The following LINC00632 variants were observed in gnomAD, a reference collection of about 807,000 sequenced individuals.
LINC00632 encodes the protein long independently transcribed non-coding RNA 632, also known as ALDOA related specific transcript.
intron 3 of LINC00632, among the ~76,000 whole-genome samples, chrX:140,734,291 TATC>T (rs906411731): frequency 6.3e-5 from 7 of 111,857 alleles, no homozygotes; most frequent in African/African-American, 2.3e-4. Flanking sequence ...TGAAATTTCT[TATC>T]ATAAATTTAA....
chrX:140,751,305 T>A (rs1454864857), intron 3 of LINC00632, among the ~76,000 whole-genome samples: 1 of 107,015 alleles, frequency 9.3e-6, no homozygotes, highest in African/African-American at 3.4e-5. Flanking sequence ...TTTTTTTTAA[T>A]TATGGCCATT....
intron 3 of LINC00632, among the ~76,000 whole-genome samples, chrX:140,755,718 C>T (rs994921718): frequency 4.5e-5 from 5 of 111,407 alleles, no homozygotes; most frequent in Non-Finnish European, 7.5e-5. Flanking sequence ...TTGTCAAAGC[C>T]TAATTAGTTT....
rs1020534707 is a variant in LINC00632 at position 140,764,238 on chromosome X, C to T, written n.192-7840C>T. Among the ~76,000 whole-genome samples the T allele has an allele frequency of 2.7e-5, 3 of 109,367 alleles. No homozygotes were observed. The East Asian group carries it at 8.7e-4, about 32-fold the overall frequency. 95.0% of individuals were successfully genotyped at this position (109,367 alleles called of 115,157 possible). ...TTTTCCAGTTTTAAGATTTGACGCC[C>T]TTATGATCGAATCCATCCACGACTT... On this transcript the variant is annotated intron_variant and non_coding_transcript_variant, in intron 3 of 4. Transcript: ENST00000648200.
intron 3 of LINC00632, chrX:140,771,986 T>C (rs1277629810): frequency 1.3e-5 from 3 of 228,582 alleles, no homozygotes; most frequent in Non-Finnish European, 2.3e-5. Flanking sequence ...GGCCCTGGCA[T>C]ATATTTTTAT....
chrX:140,783,017 C>T (rs1931956763), exon 5 of LINC00632: 1 of 113,704 alleles, frequency 8.8e-6, no homozygotes, highest in Non-Finnish European at 1.8e-5. Flanking sequence ...TACAATATCT[C>T]TAATTTCCAG....
intron 3 of LINC00632, among the ~76,000 whole-genome samples, chrX:140,744,538 C>T (rs1236345070): frequency 1.2e-5 from 1 of 84,437 alleles, no homozygotes; most frequent in African/African-American, 5.2e-5. Context: ...AGGTCAAGCC[C>T]AGCTCTAGTT....
In LINC00632 at chrX:140,790,803, TATC is replaced by T. The variant is rs1932097341; in HGVS notation, n.18825_18827del. On this transcript the variant is annotated non_coding_transcript_exon_variant, in exon 5 of 5. Coordinates refer to ENST00000648200, the Ensembl canonical transcript of LINC00632. ...ATGATATTGCATTTTAAAAATTCATTATCATTAGTGCATAGAAAAGCTATTTAA... is the reference window on the plus strand; with the variant it reads ...ATGATATTGCATTTTAAAAATTCATTATTAGTGCATAGAAAAGCTATTTAA... Among the ~76,000 whole-genome samples, 3 of 111,966 alleles carry T rather than the reference TATC, an allele frequency of 2.7e-5. No homozygotes were observed. The South Asian group carries it at 1.1e-3, about 41-fold the overall frequency.
At chrX:140,738,119 C>CT (rs1030213133) in intron 3 of LINC00632, among the ~76,000 whole-genome samples, 10 of 111,338 alleles carry the variant, frequency 9.0e-5, no homozygotes, top group East Asian at 2.8e-4. Flanking sequence ...AGGAGATGCT[C>CT]TTTTTTTTCC....
intron 2 of LINC00632, among the ~76,000 whole-genome samples, chrX:140,729,338 T>C (rs1931019405): frequency 9.2e-6 from 1 of 109,081 alleles, no homozygotes; most frequent in Non-Finnish European, 1.9e-5. Flanking sequence ...CCATACTAGG[T>C]GCAGACAGAG....
rs752511884 is a variant in LINC00632 at position 140,734,126 on chromosome X, TTCTC to T, written n.191+166_191+169del. ...AAAGTCATAAAATAAAAAGAAATCT[TTCTC>T]TCTAACTTTTCCCCCTGCCGTCCCA... On this transcript the variant is annotated intron_variant and non_coding_transcript_variant, in intron 3 of 4. Transcript: ENST00000648200. Among the ~76,000 whole-genome samples the T allele has an allele frequency of 4.0e-3, 446 of 112,093 alleles. 2 individuals carry two copies. Among genetic ancestry groups the T allele is most frequent in the Non-Finnish European group, 6.6e-3 (350 of 53,261 alleles).
chrX:140,768,616 A>G lies in LINC00632; in HGVS notation n.192-3462A>G, dbSNP rs1366780479. ...TATTATATATAAATATATATTTATC[A>G]CATAATAAATATATATACTATATAA... On this transcript the variant is annotated intron_variant and non_coding_transcript_variant, in intron 3 of 4. Coordinates refer to ENST00000648200, the Ensembl canonical transcript of LINC00632. Among the ~76,000 whole-genome samples the G allele has an allele frequency of 1.5e-4, 13 of 84,636 alleles. No homozygotes were observed. In the East Asian group the frequency reaches 4.8e-3, roughly 31 times the overall value. 73.5% of individuals were successfully genotyped at this position (84,636 alleles called of 115,157 possible).
At chrX:140,754,650 G>A (rs1298346614) in intron 3 of LINC00632, among the ~76,000 whole-genome samples, 1 of 111,140 alleles carries the variant, frequency 9.0e-6, no homozygotes, top group Non-Finnish European at 1.9e-5. Flanking sequence ...GGAGCTCAAG[G>A]AGTGTGGCTA....
intron 2 of LINC00632, among the ~76,000 whole-genome samples, chrX:140,717,926 C>T (rs191815985): frequency 6.7e-4 from 74 of 110,495 alleles, no homozygotes; most frequent in African/African-American, 1.7e-3. Context: ...TAGCTGAGGT[C>T]GGGAGTTCGA....
intron 2 of LINC00632, among the ~76,000 whole-genome samples, chrX:140,717,441 T>C (rs1158091748): frequency 1.8e-5 from 2 of 110,633 alleles, no homozygotes; most frequent in African/African-American, 6.6e-5. Context: ...AGTCCTAACA[T>C]GCAGAGATCA....
chrX:140,720,958 AC>A (rs1267627950), intron 2 of LINC00632, among the ~76,000 whole-genome samples: 1 of 111,033 alleles, frequency 9.0e-6, no homozygotes, highest in Admixed American at 9.7e-5. Flanking sequence ...CCAGGGACTT[AC>A]CCTGAGACAC....
chrX:140,783,801 A>T, exon 5 of LINC00632: 1 of 1,209,222 alleles, frequency 8.3e-7, no homozygotes, highest in Non-Finnish European at 1.1e-6. Context: ...CTTCCAGAAA[A>T]TCCATGTCTT....
chrX:140,739,381 G>A (rs1333887939), intron 3 of LINC00632, among the ~76,000 whole-genome samples: 4 of 109,601 alleles, frequency 3.6e-5, no homozygotes, highest in African/African-American at 1.0e-4. Flanking sequence ...CACCACGCCC[G>A]GCTAATTTTT....
rs748611018 is a variant in LINC00632 at position 140,712,655 on chromosome X, C to T, written n.104+999C>T. Among the ~76,000 whole-genome samples the T allele has an allele frequency of 4.5e-5, 5 of 110,720 alleles. No individual in the cohort carries two copies. The South Asian group carries it at 1.9e-3, about 43-fold the overall frequency. On this transcript the variant is annotated intron_variant and non_coding_transcript_variant, in intron 2 of 4. Transcript: ENST00000648200. ...TAGATAGGGACACACCCCAGTGAGCCACCTCTTTTCACTGCAGGTGTAAGG... is the reference window on the plus strand; with the variant it reads ...TAGATAGGGACACACCCCAGTGAGCTACCTCTTTTCACTGCAGGTGTAAGG...
intron 3 of LINC00632, among the ~76,000 whole-genome samples, chrX:140,766,280 A>T (rs1293505503): frequency 8.9e-6 from 1 of 112,016 alleles, no homozygotes; most frequent in Non-Finnish European, 1.9e-5. Context: ...AGAGCTATTT[A>T]AAAAACTTCC....
Sources: allele counts gnomAD v4.1 joint callset (sites outside exome capture counted in the v4.1 genomes callset), GRCh38; gene constraint gnomAD v4.1.1; transcripts MANE v1.5; gene names NCBI Gene and HGNC (gene_info 2026-07-23, HGNC 2026-07-21).